The following CTDSPL2 variants were observed in gnomAD, a reference collection of about 807,000 sequenced individuals.
CTDSPL2 encodes the protein CTD small phosphatase like 2, also known as CTD small phosphatase-like protein 2.
A neutral mutation model predicts 60.0 loss-of-function variants in CTDSPL2; 5 were observed. That is an observed-to-expected ratio of 0.08 (90% CI 0.04 to 0.18). The LOEUF is 0.18. Ranked by LOEUF, CTDSPL2 falls within the 10% of genes least tolerant of loss-of-function variation. The pLI, the probability that CTDSPL2 is intolerant of heterozygous loss-of-function variation, is 1.00. For synonymous variants in CTDSPL2, 186 were observed against 189.3 expected (o/e 0.98, Z 0.14); for missense variants, 370 against 548.8 (o/e 0.67, Z 3.26).
At chr15:44,434,711 CTTTTCT>C (rs2079937877) in intron 1 of CTDSPL2, among the ~76,000 whole-genome samples, 1 of 151,608 alleles carries the variant, frequency 6.6e-6, no homozygotes. Flanking sequence ...AAAACACATT[CTTTTCT>C]TTCTTATTTA....
intron 12 of CTDSPL2, among the ~76,000 whole-genome samples, chr15:44,523,867 C>T (rs2081830484): frequency 6.6e-6 from 1 of 152,058 alleles, no homozygotes; most frequent in Non-Finnish European, 1.5e-5. Flanking sequence ...CCATTGCACT[C>T]CAGCCTGAGC....
chr15:44,514,918 A>G (rs2081623149), intron 10 of CTDSPL2, 74 bp downstream of exon 10: 8 of 920,882 alleles, frequency 8.7e-6, no homozygotes, highest in Non-Finnish European at 6.8e-6. Context: ...TTTCATTTTA[A>G]TGGCCATTTT....
At chr15:44,445,709 C>T (rs1444187567) in intron 1 of CTDSPL2, among the ~76,000 whole-genome samples, 1 of 151,356 alleles carries the variant, frequency 6.6e-6, no homozygotes, top group African/African-American at 2.4e-5. Flanking sequence ...ACGATCTTGG[C>T]TTACTGCAGC....
chr15:44,442,789 A>G (rs779857078), intron 1 of CTDSPL2, among the ~76,000 whole-genome samples: 3 of 152,052 alleles, frequency 2.0e-5, no homozygotes, highest in Admixed American at 6.6e-5. Context: ...CACCCTGGGC[A>G]ATATAGTGGT....
At chr15:44,519,043 T>A (rs2081709911) in intron 10 of CTDSPL2, 126 bp from the exon 11 acceptor site, 1 of 562,546 alleles carries the variant, frequency 1.8e-6, no homozygotes, top group Non-Finnish European at 2.7e-6. Context: ...TATTTGTGTT[T>A]GAATTTCCTT....
chr15:44,479,756 T>C (rs2080991818), intron 2 of CTDSPL2, among the ~76,000 whole-genome samples: 1 of 152,182 alleles, frequency 6.6e-6, no homozygotes, highest in African/African-American at 2.4e-5. Context: ...TTTTTATCTT[T>C]TCCCTATGCA....
chr15:44,486,464 G>A, intron 3 of CTDSPL2, 87 bp from the exon 4 acceptor site: 1 of 913,844 alleles, frequency 1.1e-6, no homozygotes, highest in Non-Finnish European at 1.6e-6. Context: ...GAGGGAAAAA[G>A]AGTTACTTCT....
At chr15:44,511,604 C>T (rs1329482921) in intron 8 of CTDSPL2, among the ~76,000 whole-genome samples, 1 of 152,158 alleles carries the variant, frequency 6.6e-6, no homozygotes, top group Non-Finnish European at 1.5e-5. Flanking sequence ...GGTGTGGTGG[C>T]TGATGCCTGT....
chr15:44,493,496 C>T (rs1051359648), intron 5 of CTDSPL2, among the ~76,000 whole-genome samples: 2 of 152,114 alleles, frequency 1.3e-5, no homozygotes, highest in African/African-American at 4.8e-5. Flanking sequence ...CATATAAGCA[C>T]TTAACAAATA....
At chr15:44,484,838 TCTTA>T (rs2081090701) in intron 3 of CTDSPL2, among the ~76,000 whole-genome samples, 1 of 152,240 alleles carries the variant, frequency 6.6e-6, no homozygotes, top group African/African-American at 2.4e-5. Context: ...CTAATTTGAA[TCTTA>T]CTTTGAATTA....
intron 5 of CTDSPL2, among the ~76,000 whole-genome samples, chr15:44,493,103 A>C (rs1218252317): frequency 6.6e-6 from 1 of 151,770 alleles, no homozygotes; most frequent in East Asian, 1.9e-4. Flanking sequence ...TTGTGATTGG[A>C]ACTGTTGATG....
At chr15:44,475,312 T>C (rs936612336) in intron 2 of CTDSPL2, among the ~76,000 whole-genome samples, 3 of 152,200 alleles carry the variant, frequency 2.0e-5, no homozygotes, top group African/African-American at 7.2e-5. Context: ...TGATATTGTT[T>C]ACCCCTTTTC....
chr15:44,453,690 C>T (rs1226887408), intron 1 of CTDSPL2, among the ~76,000 whole-genome samples: 1 of 151,014 alleles, frequency 6.6e-6, no homozygotes, highest in Non-Finnish European at 1.5e-5. Context: ...GTTTTTTGTC[C>T]TTGTGATAGT....
chr15:44,523,697 A>G (rs1333729415), intron 12 of CTDSPL2, among the ~76,000 whole-genome samples: 1 of 152,192 alleles, frequency 6.6e-6, no homozygotes, highest in Non-Finnish European at 1.5e-5. Context: ...CAGGAGTTCA[A>G]GACCAGCCTG....
At position 44,526,581 on chromosome 15, in the gene CTDSPL2, CTT is replaced by C. The variant is rs1339623613; in HGVS notation, c.*2409_*2410del. 2.6e-5 allele frequency: 4 copies of C among 151,892 alleles called. No homozygotes were observed. Among genetic ancestry groups the C allele is most frequent in the Non-Finnish European group, 4.4e-5 (3 of 67,906 alleles). The allele number at this position is 151,892 out of a possible 1,614,324, so 9.4% of individuals were successfully genotyped here. A position where few individuals can be genotyped will look rare whatever the true frequency, so the allele number is the denominator to read the frequency against. On this transcript the variant is annotated 3_prime_UTR_variant, in exon 13 of 13. Coordinates refer to ENST00000260327, the MANE Select transcript of CTDSPL2 (RefSeq NM_016396.3). ...CTTGAGGCCAAATTAATATATTTTT[CTT>C]TGTTATTTTATTTGAGTCATTTTAA...
At position 44,479,817 on chromosome 15, in the gene CTDSPL2, G is replaced by A. The variant is rs117576839; in HGVS notation, c.187-4407G>A. Among the ~76,000 whole-genome samples, 38 of 151,942 alleles carry A rather than the reference G, an allele frequency of 2.5e-4. 1 individual carries two copies. In the East Asian group the frequency reaches 5.8e-3, roughly 23 times the overall value. ...CTATAGAGGTATTGTTCTGCTCCAC[G>A]TGTGTTTCATTATAGTAGTTTTGTG... On this transcript the variant is annotated intron_variant, in intron 2 of 12. Coordinates refer to ENST00000260327, the MANE Select transcript of CTDSPL2 (RefSeq NM_016396.3).
chr15:44,454,003 T>C (rs1204264404), intron 1 of CTDSPL2, among the ~76,000 whole-genome samples: 2 of 152,208 alleles, frequency 1.3e-5, no homozygotes, highest in African/African-American at 2.4e-5. Flanking sequence ...ATTGCCACAC[T>C]GTCTTCCACA....
At chr15:44,467,630 G>T (rs980257381) in intron 2 of CTDSPL2, among the ~76,000 whole-genome samples, 3 of 152,054 alleles carry the variant, frequency 2.0e-5, no homozygotes, top group African/African-American at 7.2e-5. Context: ...CTGGAGTACA[G>T]TGGTGCGATC....
At chr15:44,448,455 GT>G (rs1406713299) in intron 1 of CTDSPL2, 1 of 247,184 alleles carries the variant, frequency 4.0e-6, no homozygotes, top group East Asian at 1.1e-4. Context: ...CCCCAGTGTA[GT>G]CAGCGCTTGG....
Sources: gnomAD v4.1 joint callset for allele counts (sites outside exome capture counted in the v4.1 genomes callset) on GRCh38, gnomAD v4.1.1 for gene constraint, MANE v1.5 for transcripts, NCBI Gene and HGNC (gene_info 2026-07-23, HGNC 2026-07-21) for gene names.